CEP83: variants seen among roughly 807,000 people sequenced by gnomAD.
CEP83 encodes centrosomal protein 83, also known as centrosomal protein of 83 kDa.
In CEP83, 70 loss-of-function variants were observed where a neutral mutation model predicts 101.9. That is an observed-to-expected ratio of 0.69 (90% CI 0.57 to 0.84). CEP83 has a LOEUF of 0.84. Among genes scored for constraint, CEP83 ranks in the 40% least tolerant of loss-of-function variants. The pLI is 0.00. For missense variants in CEP83, 715 were observed against 787.2 expected, an observed-to-expected ratio of 0.91 and a Z score of 1.10; for synonymous variants, 264 against 267.9, an observed-to-expected ratio of 0.99 and a Z score of 0.14.
chr12:94,395,267 T>C (rs2062814093), intron 6 of CEP83, among the ~76,000 whole-genome samples: 2 of 151,778 alleles, frequency 1.3e-5, no homozygotes, highest in Admixed American at 6.6e-5. Flanking sequence ...CAACCCGACA[T>C]GGCACATGTA....
At chr12:94,408,420 A>T (rs1235703650) in intron 4 of CEP83, among the ~76,000 whole-genome samples, 1 of 152,232 alleles carries the variant, frequency 6.6e-6, no homozygotes, top group East Asian at 1.9e-4. Flanking sequence ...TAGGTTATAC[A>T]GTTTTCATTA....
the CEP83 span, among the ~76,000 whole-genome samples, chr12:94,287,872 C>T: frequency 6.6e-6 from 1 of 152,208 alleles, no homozygotes; most frequent in African/African-American, 2.4e-5. Flanking sequence ...AGGGCTTTGA[C>T]CAACAGCAGC....
At chr12:94,277,982 G>T in the CEP83 span, 3 of 456,004 alleles carry the variant, frequency 6.6e-6, no homozygotes, top group East Asian at 1.4e-4. Flanking sequence ...ATCAGACATT[G>T]CCTCCTGCAG....
At chr12:94,328,634 T>C (rs1398711324) in intron 14 of CEP83, among the ~76,000 whole-genome samples, 1 of 152,220 alleles carries the variant, frequency 6.6e-6, no homozygotes, top group Non-Finnish European at 1.5e-5. Context: ...AATGGTCAAA[T>C]AGAAGCATTA....
chr12:94,335,663 A>G lies in CEP83; in HGVS notation c.1345T>C (p.Leu449=), dbSNP rs2059417155. The G allele has an allele frequency of 6.3e-6, 10 of 1,574,910 alleles. No individual in the cohort carries two copies. Among genetic ancestry groups the G allele is most frequent in the Non-Finnish European group, 6.9e-6 (8 of 1,158,532 alleles). The stretch of plus-strand genomic sequence containing the variant: ...GTCACAATTTGTTGCTGAAGTTTTA[A>G]CCTAAAAATCACAACCCAACAAAAG... The part of the protein sequence containing the change: ...ITRKELQSVR[L]KLQQQIVTIE... Residue 449 remains leucine (L), a splice_region_variant and synonymous_variant, in exon 12 of 17, where the codon TTA becomes CTA. Coordinates refer to ENST00000397809, the MANE Select transcript of CEP83 (RefSeq NM_016122.3).
At chr12:94,367,755 T>C (rs779812453) in intron 11 of CEP83, 39 bp downstream of exon 11, 1 of 1,470,340 alleles carries the variant, frequency 6.8e-7, no homozygotes, top group South Asian at 1.4e-5. Context: ...CTGACCTTAT[T>C]TCAACATGAA....
At chr12:94,331,946 C>T in intron 13 of CEP83, 117 bp from the exon 14 acceptor site, 1 of 869,760 alleles carries the variant, frequency 1.1e-6, no homozygotes, top group Non-Finnish European at 1.8e-6. Context: ...AATTATCCAA[C>T]TGCAGGCCCT....
At chr12:94,287,889 C>T in the CEP83 span, among the ~76,000 whole-genome samples, 4 of 152,222 alleles carry the variant, frequency 2.6e-5, no homozygotes, top group Admixed American at 6.5e-5. Flanking sequence ...CAGCTCTTTC[C>T]GTCTTCTTTA....
intron 4 of CEP83, among the ~76,000 whole-genome samples, chr12:94,405,580 A>G (rs941711124): frequency 1.3e-5 from 2 of 152,228 alleles, no homozygotes; most frequent in African/African-American, 4.8e-5. Context: ...TTCCACTTTC[A>G]GCCAAGATAG....
At chr12:94,392,281 C>T (rs957275534) in intron 6 of CEP83, among the ~76,000 whole-genome samples, 2 of 152,182 alleles carry the variant, frequency 1.3e-5, no homozygotes, top group African/African-American at 4.8e-5. Context: ...GAAATCACAA[C>T]AAATTGTCTC....
chr12:94,433,140 C>A (rs1016394618), intron 2 of CEP83, among the ~76,000 whole-genome samples: 1 of 152,108 alleles, frequency 6.6e-6, no homozygotes, highest in East Asian at 1.9e-4. Flanking sequence ...AGGCCACATG[C>A]AGAAGACTGG....
Position 94,412,537 on chromosome 12 carries a change from G to A in CEP83, c.-47C>T, listed in dbSNP as rs1447091419. On this transcript the variant is annotated 5_prime_UTR_variant, in exon 3 of 17. Transcript: ENST00000397809. ...CTTACTGTTTTAGTTTTCTTTCCAA[G>A]GGTATTTCCCACTCCTTTCTTGCTA... 2 of 1,568,902 alleles carry A rather than the reference G, an allele frequency of 1.3e-6. No homozygotes were observed. The highest frequency in any genetic ancestry group is 1.1e-5 in the South Asian group (1 of 87,788).
the CEP83 span, among the ~76,000 whole-genome samples, chr12:94,266,696 G>A: frequency 6.6e-6 from 1 of 152,174 alleles, no homozygotes; most frequent in Non-Finnish European, 1.5e-5. Flanking sequence ...ACCTCTCTAT[G>A]CCTCATTCTC....
At chr12:94,376,732 C>CACACAT (rs1034102363) in intron 7 of CEP83, among the ~76,000 whole-genome samples, 8 of 95,012 alleles carry the variant, frequency 8.4e-5, no homozygotes, top group Admixed American at 1.2e-4. Context: ...CACACACACA[C>CACACAT]ATATATATAT....
intron 6 of CEP83, among the ~76,000 whole-genome samples, chr12:94,394,877 A>G (rs528562785): frequency 9.8e-5 from 15 of 152,354 alleles, no homozygotes; most frequent in South Asian, 4.1e-4. Flanking sequence ...AAAAATGCTC[A>G]TCATCACTGG....
chr12:94,406,550 A>G (rs1328414385), intron 4 of CEP83, among the ~76,000 whole-genome samples: 1 of 152,102 alleles, frequency 6.6e-6, no homozygotes, highest in Non-Finnish European at 1.5e-5. Flanking sequence ...TGTCATTAAA[A>G]CTTTATTGTA....
chr12:94,376,782 C>G (rs989806879), intron 7 of CEP83, among the ~76,000 whole-genome samples: 1 of 150,304 alleles, frequency 6.7e-6, no homozygotes, highest in Non-Finnish European at 1.5e-5. Context: ...CTCTGTCTCC[C>G]AGGCTGCAGT....
chr12:94,323,337 G>A (rs1334268854), intron 14 of CEP83, among the ~76,000 whole-genome samples: 1 of 152,096 alleles, frequency 6.6e-6, no homozygotes, highest in Non-Finnish European at 1.5e-5. Flanking sequence ...CTGTGTAACA[G>A]GCTGCAGACC....
intron 2 of CEP83, among the ~76,000 whole-genome samples, chr12:94,420,439 T>G (rs965502854): frequency 2.6e-5 from 4 of 152,216 alleles, no homozygotes; most frequent in Admixed American, 6.5e-5. Flanking sequence ...AGCACTATAC[T>G]GCAATAAAAA....
Sources: allele counts gnomAD v4.1 joint callset (sites outside exome capture counted in the v4.1 genomes callset), GRCh38; gene constraint gnomAD v4.1.1; transcripts MANE v1.5; gene names NCBI Gene and HGNC (gene_info 2026-07-23, HGNC 2026-07-21).